The following FAM107B variants were observed in gnomAD, a reference collection of about 807,000 sequenced individuals.
FAM107B encodes family with sequence similarity 107 member B.
FAM107B carries 21 observed loss-of-function variants against 31.5 expected under a neutral mutation model. That is an observed-to-expected ratio of 0.67 (90% confidence interval 0.47 to 0.96). The LOEUF (loss-of-function observed/expected upper bound fraction) is 0.96. Among genes scored for constraint, FAM107B ranks in the 40% least tolerant of loss-of-function variants. FAM107B has a pLI of 0.00. For synonymous variants in FAM107B, 157 were observed against 141.5 expected (o/e 1.11, Z -0.78); for missense variants, 452 against 377.1 (o/e 1.20, Z -1.64).
chr10:14,728,898 C>T (rs949458434), intron 1 of FAM107B, among the ~76,000 whole-genome samples: 5 of 152,156 alleles, frequency 3.3e-5, no homozygotes, highest in Non-Finnish European at 5.9e-5. Flanking sequence ...ATGTTCTTCC[C>T]TATTAATCTG....
chr10:14,645,146 G>A (rs1276050960), intron 2 of FAM107B, among the ~76,000 whole-genome samples: 2 of 152,170 alleles, frequency 1.3e-5, no homozygotes, highest in Non-Finnish European at 2.9e-5. Flanking sequence ...GAACCACTTA[G>A]TTACAACAGG....
At chr10:14,692,092 G>A (rs1052460175) in intron 1 of FAM107B, among the ~76,000 whole-genome samples, 3 of 151,984 alleles carry the variant, frequency 2.0e-5, no homozygotes, top group East Asian at 1.9e-4. Flanking sequence ...CTGCAATTGC[G>A]GTTTAATCTC....
intron 1 of FAM107B, among the ~76,000 whole-genome samples, chr10:14,725,403 G>C (rs1252293046): frequency 6.6e-6 from 1 of 152,212 alleles, no homozygotes; most frequent in Non-Finnish European, 1.5e-5. Context: ...CAATCAAAGT[G>C]CCTGTCTTAG....
chr10:14,773,152 G>C (rs1833344898), intron 1 of FAM107B, among the ~76,000 whole-genome samples: 1 of 152,124 alleles, frequency 6.6e-6, no homozygotes, highest in Non-Finnish European at 1.5e-5. Context: ...CAGAGGATAT[G>C]GTAAAACTCT....
intron 1 of FAM107B, among the ~76,000 whole-genome samples, chr10:14,733,707 A>G (rs1451333215): frequency 6.6e-6 from 1 of 152,200 alleles, no homozygotes; most frequent in Non-Finnish European, 1.5e-5. Flanking sequence ...TTTCCATTTA[A>G]CAAGGAGAAA....
chr10:14,535,258 G>A (rs1479267247), intron 2 of FAM107B, among the ~76,000 whole-genome samples: 1 of 152,094 alleles, frequency 6.6e-6, no homozygotes, highest in Non-Finnish European at 1.5e-5. Context: ...TGAGATCCTG[G>A]ACAAATCCTA....
intron 1 of FAM107B, among the ~76,000 whole-genome samples, chr10:14,683,429 G>A (rs1433520316): frequency 6.6e-6 from 1 of 152,186 alleles, no homozygotes; most frequent in Non-Finnish European, 1.5e-5. Flanking sequence ...CAAGAAAGCC[G>A]CAGGAACAAA....
At chr10:14,564,999 C>T (rs770387202) in intron 2 of FAM107B, among the ~76,000 whole-genome samples, 9 of 152,182 alleles carry the variant, frequency 5.9e-5, no homozygotes, top group Non-Finnish European at 1.3e-4. Context: ...GCAGGAGGAT[C>T]ACTTGAGCCC....
At chr10:14,635,601 T>C (rs979803794) in intron 2 of FAM107B, among the ~76,000 whole-genome samples, 1 of 152,082 alleles carries the variant, frequency 6.6e-6, no homozygotes, top group Admixed American at 6.6e-5. Flanking sequence ...GTTTCAAACC[T>C]CCCTGGTTGG....
intron 2 of FAM107B, among the ~76,000 whole-genome samples, chr10:14,636,573 A>G (rs1853505503): frequency 1.3e-5 from 2 of 152,172 alleles, no homozygotes; most frequent in African/African-American, 2.4e-5. Context: ...GACATCAGTA[A>G]TATTGGATTA....
chr10:14,754,666 A>G (rs1832894343), intron 1 of FAM107B, among the ~76,000 whole-genome samples: 1 of 152,146 alleles, frequency 6.6e-6, no homozygotes, highest in Non-Finnish European at 1.5e-5. Context: ...GCCATCTTTG[A>G]GCCACTGCAT....
intron 1 of FAM107B, among the ~76,000 whole-genome samples, chr10:14,693,375 C>T (rs545757733): frequency 2.0e-5 from 3 of 151,428 alleles, no homozygotes; most frequent in East Asian, 1.9e-4. Flanking sequence ...CTACTTGGGA[C>T]GCTGAGGCAG....
At chr10:14,689,379 C>CAA (rs200283842) in intron 1 of FAM107B, among the ~76,000 whole-genome samples, 10,451 of 128,598 alleles carry the variant, frequency 0.081, 445 homozygotes, top group South Asian at 0.13. Flanking sequence ...GACCCTATCT[C>CAA]AAAAAAAAAA....
chr10:14,702,692 G>A (rs532633045), intron 1 of FAM107B, among the ~76,000 whole-genome samples: 2 of 152,230 alleles, frequency 1.3e-5, no homozygotes, highest in East Asian at 3.9e-4. Flanking sequence ...CCATGCATTT[G>A]GTGCTTTGCA....
At chr10:14,641,109 A>C (rs1360813621) in intron 2 of FAM107B, among the ~76,000 whole-genome samples, 1 of 152,184 alleles carries the variant, frequency 6.6e-6, no homozygotes, top group Non-Finnish European at 1.5e-5. Context: ...ACGTGCTTTC[A>C]CCAAATGTGT....
In FAM107B at chr10:14,571,918, C is replaced by A. The variant is rs780841357; in HGVS notation, c.470-41403G>T. ...CGAACGGTTACAGAGACTGACCTAA[C>A]CTCACCTCAGTAGATATAGGCAGGC... On this transcript the variant is annotated intron_variant, in intron 2 of 4. Coordinates refer to ENST00000181796, the MANE Select transcript of FAM107B (RefSeq NM_031453.4). 1.0e-5 allele frequency: 10 copies of A among 985,324 alleles called. No homozygotes were observed. In the African/African-American group the frequency reaches 1.7e-4, roughly 17 times the overall value. 61.0% of individuals were successfully genotyped at this position (985,324 alleles called of 1,614,324 possible). A position where few individuals can be genotyped will look rare whatever the true frequency, so the allele number is the denominator to read the frequency against.
chr10:14,744,880 C>G (rs1832693536), intron 1 of FAM107B, among the ~76,000 whole-genome samples: 2 of 152,180 alleles, frequency 1.3e-5, no homozygotes. Flanking sequence ...AGCTGTAAAA[C>G]TGTCTGGTCC....
chr10:14,521,398 C>T, intron 4 of FAM107B, 92 bp from the exon 5 acceptor site: 1 of 1,007,628 alleles, frequency 9.9e-7, no homozygotes, highest in East Asian at 2.4e-5. Context: ...GACAACTTTA[C>T]TTCCCCACAG....
At chr10:14,632,428 G>A (rs1853382824) in intron 2 of FAM107B, among the ~76,000 whole-genome samples, 1 of 151,536 alleles carries the variant, frequency 6.6e-6, no homozygotes, top group South Asian at 2.1e-4. Flanking sequence ...TGATTAACAC[G>A]GTGAATCCCC....
Sources: gnomAD v4.1 joint callset for allele counts (sites outside exome capture counted in the v4.1 genomes callset) on GRCh38, gnomAD v4.1.1 for gene constraint, MANE v1.5 for transcripts, NCBI Gene and HGNC (gene_info 2026-07-23, HGNC 2026-07-21) for gene names.